PDE3A: variants seen among roughly 807,000 people sequenced by gnomAD.
PDE3A encodes the protein phosphodiesterase 3A, also known as cGMP-inhibited 3',5'-cyclic phosphodiesterase 3A.
Under a neutral mutation model 98.3 loss-of-function variants are expected in PDE3A, and 43 were observed. The observed-to-expected ratio is 0.44, with a 90% CI of 0.34 to 0.56. PDE3A has a LOEUF of 0.56. Ranked by LOEUF, PDE3A falls within the 20% of genes least tolerant of loss-of-function variation. The pLI is 0.01. For missense variants in PDE3A, 1,427 were observed against 1,440.7 expected (o/e 0.99, Z 0.15); for synonymous variants, 663 against 567.9 (o/e 1.17, Z -2.38).
At chr12:20,467,847 A>G (rs1406948774) in intron 1 of PDE3A, among the ~76,000 whole-genome samples, 1 of 147,230 alleles carries the variant, frequency 6.8e-6, no homozygotes, top group African/African-American at 2.5e-5. Flanking sequence ...AGGCAGAAGA[A>G]TCACTTGAAC....
In PDE3A at chr12:20,536,963, C is replaced by G. The variant is rs149556423; in HGVS notation, c.961-19697C>G. 1.3e-3 allele frequency among the ~76,000 whole-genome samples: 205 copies of G among 152,176 alleles called. 1 individual carries two copies. Among genetic ancestry groups the G allele is most frequent in the Non-Finnish European group, 1.9e-3 (127 of 67,938 alleles). On this transcript the variant is annotated intron_variant, in intron 1 of 15. Coordinates refer to ENST00000359062, the MANE Select transcript of PDE3A (RefSeq NM_000921.5). ...CTTGTTTATAAGTTTGAGAAACTGT[C>G]AAATGGTTTTCCAAAGTGAATGCAT...
At chr12:20,393,998 C>G (rs547146315) in intron 1 of PDE3A, among the ~76,000 whole-genome samples, 44 of 152,114 alleles carry the variant, frequency 2.9e-4, no homozygotes, top group African/African-American at 1.0e-3. Flanking sequence ...GTTTACAAAT[C>G]GCAGCTCTAT....
intron 1 of PDE3A, among the ~76,000 whole-genome samples, chr12:20,433,113 G>C (rs1034528498): frequency 5.7e-4 from 87 of 152,186 alleles, no homozygotes; most frequent in African/African-American, 2.0e-3. Context: ...AATTTTCCCA[G>C]CAGCCTCCAA....
chr12:20,595,904 T>C (rs549700516), intron 2 of PDE3A, among the ~76,000 whole-genome samples: 25 of 152,304 alleles, frequency 1.6e-4, no homozygotes, highest in African/African-American at 6.0e-4. Flanking sequence ...GAAATTAAAA[T>C]TGACTGAAAT....
intron 1 of PDE3A, among the ~76,000 whole-genome samples, chr12:20,416,540 C>A (rs1401597991): frequency 1.3e-5 from 2 of 152,124 alleles, no homozygotes; most frequent in Non-Finnish European, 2.9e-5. Flanking sequence ...ATAAAATCTT[C>A]TAAAGTTTGC....
rs145571159 is a variant in PDE3A, at chr12:20,545,511, G to A, written c.961-11149G>A. On this transcript the variant is annotated intron_variant, in intron 1 of 15. Coordinates refer to ENST00000359062, the MANE Select transcript of PDE3A (RefSeq NM_000921.5). ...ACCAACTGTGAAAGGAAAAATATCC[G>A]TTAAATTCAGTCACAATGCTATATA... Among the ~76,000 whole-genome samples, 661 of 152,042 alleles carry A rather than the reference G, an allele frequency of 4.3e-3. 5 individuals carry two copies. Among genetic ancestry groups the A allele is most frequent in the African/African-American group, 0.015 (609 of 41,524 alleles).
At chr12:20,606,996 A>G (rs1943725936) in intron 2 of PDE3A, among the ~76,000 whole-genome samples, 1 of 151,934 alleles carries the variant, frequency 6.6e-6, no homozygotes, top group Admixed American at 6.6e-5. Flanking sequence ...TTGGTTTATG[A>G]TGAGTGAAAT....
chr12:20,441,421 A>G (rs189730752), intron 1 of PDE3A, among the ~76,000 whole-genome samples: 41 of 152,324 alleles, frequency 2.7e-4, no homozygotes, highest in African/African-American at 9.6e-4. Flanking sequence ...TTGAAGAAGA[A>G]TAGTGCAATT....
At chr12:20,554,007 T>G (rs1193561211) in intron 1 of PDE3A, among the ~76,000 whole-genome samples, 2 of 151,936 alleles carry the variant, frequency 1.3e-5, no homozygotes, top group Non-Finnish European at 2.9e-5. Context: ...TTTTTTCTCT[T>G]AATGAACACA....
chr12:20,515,247 G>C (rs1041390812), intron 1 of PDE3A, among the ~76,000 whole-genome samples: 2 of 152,204 alleles, frequency 1.3e-5, no homozygotes, highest in Admixed American at 1.3e-4. Flanking sequence ...GACAATATAT[G>C]TTAAGGGCCT....
rs1945810815 is a variant in PDE3A at position 20,682,366 on chromosome 12, A to T, written c.*2095A>T. 1 of 152,230 alleles carries T rather than the reference A, an allele frequency of 6.6e-6. No individual in the cohort carries two copies. Among genetic ancestry groups the T allele is most frequent in the African/African-American group, 2.4e-5 (1 of 41,466 alleles). 9.4% of individuals were successfully genotyped at this position (152,230 alleles called of 1,614,324 possible). A position where few individuals can be genotyped will look rare whatever the true frequency, so the allele number is the denominator to read the frequency against. ...AGAAAGGAATGTTTACATTAAAAAT[A>T]CTTTTGTTTCTCATAAATGGATATT... On this transcript the variant is annotated 3_prime_UTR_variant, in exon 16 of 16. Coordinates refer to ENST00000359062, the MANE Select transcript of PDE3A (RefSeq NM_000921.5).
chr12:20,395,700 A>G (rs1365892697), intron 1 of PDE3A, among the ~76,000 whole-genome samples: 1 of 148,104 alleles, frequency 6.8e-6, no homozygotes, highest in African/African-American at 2.5e-5. Flanking sequence ...ATATATATAT[A>G]TATATCTCTA....
chr12:20,409,396 G>A (rs981174695), intron 1 of PDE3A, among the ~76,000 whole-genome samples: 16 of 151,726 alleles, frequency 1.1e-4, no homozygotes, highest in Non-Finnish European at 1.9e-4. Flanking sequence ...GTTATTATTA[G>A]CTCTCTTATT....
intron 2 of PDE3A, among the ~76,000 whole-genome samples, chr12:20,579,674 T>C (rs1000043238): frequency 2.0e-5 from 3 of 152,188 alleles, no homozygotes; most frequent in Non-Finnish European, 1.5e-5. Flanking sequence ...CCCTCCCCTA[T>C]TGCCTCATGT....
intron 2 of PDE3A, among the ~76,000 whole-genome samples, chr12:20,587,655 G>A (rs1486095912): frequency 6.6e-6 from 1 of 152,148 alleles, no homozygotes; most frequent in Non-Finnish European, 1.5e-5. Flanking sequence ...ATATATAAAT[G>A]TACATCTAAG....
chr12:20,428,405 A>T (rs7298820), intron 1 of PDE3A, among the ~76,000 whole-genome samples: 30,130 of 151,728 alleles, frequency 0.2, 3,093 homozygotes, highest in Non-Finnish European at 0.22. Flanking sequence ...TCAGCCTCCC[A>T]AGCAGCTGCG....
intron 5 of PDE3A, among the ~76,000 whole-genome samples, chr12:20,628,336 C>T (rs1361334427): frequency 2.6e-5 from 4 of 152,038 alleles, no homozygotes; most frequent in Admixed American, 2.0e-4. Flanking sequence ...GAAGGTTTGT[C>T]GTTATCTTTG....
At chr12:20,381,592 G>A (rs2120546176) in intron 1 of PDE3A, among the ~76,000 whole-genome samples, 1 of 151,966 alleles carries the variant, frequency 6.6e-6, no homozygotes, top group Non-Finnish European at 1.5e-5. Flanking sequence ...GATGGTCTGT[G>A]TAAGAGGTCC....
chr12:20,453,032 CATGTACTCCTATT>C (rs1180012612), intron 1 of PDE3A, among the ~76,000 whole-genome samples: 1 of 152,130 alleles, frequency 6.6e-6, no homozygotes, highest in Non-Finnish European at 1.5e-5. Flanking sequence ...GAAAGAATGC[CATGTACTCCTATT>C]TAATTCCTGC....
Sources: gnomAD v4.1 joint callset for allele counts (sites outside exome capture counted in the v4.1 genomes callset) on GRCh38, gnomAD v4.1.1 for gene constraint, MANE v1.5 for transcripts, NCBI Gene and HGNC (gene_info 2026-07-23, HGNC 2026-07-21) for gene names.